Variants in CCSER2 observed in about 807,000 individuals in gnomAD.
The protein encoded by CCSER2 is coiled-coil serine rich protein 2.
CCSER2 carries 46 observed loss-of-function variants against 92.3 expected under a neutral mutation model. That is an observed-to-expected ratio of 0.50 (90% CI 0.39 to 0.64). CCSER2 has a LOEUF of 0.64. Among genes scored for constraint, CCSER2 ranks in the 30% least tolerant of loss-of-function variants. The pLI, the probability that CCSER2 is intolerant of heterozygous loss-of-function variation, is 0.00. For synonymous variants in CCSER2, 433 were observed against 431.4 expected (o/e 1.00, Z -0.04); for missense variants, 1,244 against 1,238.9 (o/e 1.00, Z -0.06).
chr10:84,373,499 A>G, intron 2 of CCSER2, 120 bp from the exon 3 acceptor site: 1 of 693,746 alleles, frequency 1.4e-6, no homozygotes, highest in Non-Finnish European at 2.4e-6. Context: ...TGCTACAGTT[A>G]TGAGTGCTTT....
At chr10:84,483,997 A>ATATATATATATATATATATATAT (rs1289207905) in intron 9 of CCSER2, among the ~76,000 whole-genome samples, 1 of 75,518 alleles carries the variant, frequency 1.3e-5, no homozygotes, top group Non-Finnish European at 2.3e-5. Flanking sequence ...ATATATATAT[A>ATATATATATATATATATATATAT]ATTTTTTTTT....
chr10:84,418,107 A>G (rs1025193784), intron 4 of CCSER2, among the ~76,000 whole-genome samples: 1 of 152,218 alleles, frequency 6.6e-6, no homozygotes, highest in African/African-American at 2.4e-5. Context: ...TAAGTTGCAG[A>G]TAAGAGTTGT....
intron 9 of CCSER2, among the ~76,000 whole-genome samples, chr10:84,490,957 T>C (rs912442800): frequency 6.6e-6 from 1 of 152,206 alleles, no homozygotes; most frequent in Non-Finnish European, 1.5e-5. Flanking sequence ...TTCCTTCTAA[T>C]AGTCAGGACC....
At chr10:84,419,412 ACTAT>A (rs2133398821) in intron 4 of CCSER2, among the ~76,000 whole-genome samples, 1 of 152,196 alleles carries the variant, frequency 6.6e-6, no homozygotes, top group African/African-American at 2.4e-5. Context: ...TAACCTGACA[ACTAT>A]CTTCATTCAC....
chr10:84,448,194 G>T (rs1845047900), intron 6 of CCSER2, among the ~76,000 whole-genome samples: 1 of 151,988 alleles, frequency 6.6e-6, no homozygotes, highest in South Asian at 2.1e-4. Flanking sequence ...CTGAAACCTG[G>T]CATTGAGCCC....
At chr10:84,456,076 A>G in intron 6 of CCSER2, 4 of 411,106 alleles carry the variant, frequency 9.7e-6, no homozygotes, top group South Asian at 8.4e-5. Flanking sequence ...GGTCAGGCCA[A>G]AGACCCGAGC....
At chr10:84,356,496 C>T (rs1220063303) in intron 1 of CCSER2, among the ~76,000 whole-genome samples, 9 of 152,014 alleles carry the variant, frequency 5.9e-5, no homozygotes, top group African/African-American at 7.2e-5. Context: ...ACTAAAACTG[C>T]GCTATACTCT....
chr10:84,496,560 C>T (rs1848463804), intron 9 of CCSER2, among the ~76,000 whole-genome samples: 1 of 151,982 alleles, frequency 6.6e-6, no homozygotes, highest in Non-Finnish European at 1.5e-5. Flanking sequence ...GCTGGGATTA[C>T]AGGCATGAGC....
At chr10:84,330,106 GACTCA>G (rs1843476962) in intron 1 of CCSER2, among the ~76,000 whole-genome samples, 1 of 152,080 alleles carries the variant, frequency 6.6e-6, no homozygotes, top group East Asian at 1.9e-4. Flanking sequence ...TTGTTGCTTT[GACTCA>G]ACTCCTTTGA....
At chr10:84,359,219 A>G (rs1845365566) in intron 1 of CCSER2, among the ~76,000 whole-genome samples, 1 of 152,160 alleles carries the variant, frequency 6.6e-6, no homozygotes. Context: ...CTGTATCAAT[A>G]GTATTTTATA....
chr10:84,504,853 C>A (rs1281403571), intron 9 of CCSER2, among the ~76,000 whole-genome samples: 1 of 152,038 alleles, frequency 6.6e-6, no homozygotes, highest in Non-Finnish European at 1.5e-5. Flanking sequence ...ATAAATAAAT[C>A]AATAAATGAT....
intron 6 of CCSER2, among the ~76,000 whole-genome samples, chr10:84,459,882 T>G (rs1490266706): frequency 1.3e-5 from 2 of 151,700 alleles, no homozygotes; most frequent in South Asian, 4.2e-4. Flanking sequence ...GCTTTCTGAG[T>G]TTTTTTTAAA....
intron 3 of CCSER2, among the ~76,000 whole-genome samples, chr10:84,377,425 G>C (rs1489967349): frequency 1.3e-5 from 2 of 152,116 alleles, no homozygotes; most frequent in African/African-American, 4.8e-5. Flanking sequence ...TTCCCCCACT[G>C]TACTTCAGGG....
At chr10:84,497,414 G>A (rs1374028435) in intron 9 of CCSER2, among the ~76,000 whole-genome samples, 3 of 152,204 alleles carry the variant, frequency 2.0e-5, no homozygotes, top group East Asian at 1.9e-4. Context: ...GGCAGGCAGC[G>A]CTGTTTATGT....
chr10:84,353,923 C>T (rs72841169), intron 1 of CCSER2, among the ~76,000 whole-genome samples: 31,190 of 151,982 alleles, frequency 0.21, 3,360 homozygotes, highest in Admixed American at 0.3. Flanking sequence ...CCAGGCCAGG[C>T]ATGGTGGCTC....
At chr10:84,338,228 G>T (rs1843950820) in intron 1 of CCSER2, among the ~76,000 whole-genome samples, 1 of 150,608 alleles carries the variant, frequency 6.6e-6, no homozygotes, top group Admixed American at 6.6e-5. Flanking sequence ...AGGTTGCAGT[G>T]AGCCGAGATC....
chr10:84,335,228 CTTTT>C (rs1202869188), intron 1 of CCSER2, among the ~76,000 whole-genome samples: 4 of 69,996 alleles, frequency 5.7e-5, no homozygotes, highest in East Asian at 5.2e-4. Context: ...CTCTCTCTCT[CTTTT>C]TTTTTTTTTT....
At chr10:84,374,810 G>T (rs1419072493) in intron 3 of CCSER2, among the ~76,000 whole-genome samples, 1 of 152,170 alleles carries the variant, frequency 6.6e-6, no homozygotes, top group Non-Finnish European at 1.5e-5. Flanking sequence ...GTAGTTGTAT[G>T]GGAAAATTGG....
intron 1 of CCSER2, among the ~76,000 whole-genome samples, chr10:84,362,132 C>T (rs1178892278): frequency 2.6e-5 from 4 of 152,164 alleles, no homozygotes; most frequent in Non-Finnish European, 1.5e-5. Flanking sequence ...GTTAATGTTA[C>T]TCCTGTTACT....
Sources: gnomAD v4.1 joint callset for allele counts (sites outside exome capture counted in the v4.1 genomes callset) on GRCh38, gnomAD v4.1.1 for gene constraint, MANE v1.5 for transcripts, NCBI Gene and HGNC (gene_info 2026-07-23, HGNC 2026-07-21) for gene names.